MOB3B: variants seen among roughly 807,000 people sequenced by gnomAD.
MOB3B encodes MOB kinase activator-like 2B.
MOB3B carries 7 observed loss-of-function variants against 18.7 expected under a neutral mutation model. That is an observed-to-expected ratio of 0.37 (90% CI 0.21 to 0.70). MOB3B has a LOEUF of 0.70. MOB3B is among the 30% of genes least tolerant of loss of function. The pLI is 0.52. For synonymous variants in MOB3B, 111 were observed against 99.9 expected (o/e 1.11, Z -0.66); for missense variants, 253 against 281.3 (o/e 0.90, Z 0.72).
chr9:27,446,744 C>A (rs1178575140), intron 2 of MOB3B, among the ~76,000 whole-genome samples: 2 of 152,162 alleles, frequency 1.3e-5, no homozygotes, highest in Non-Finnish European at 2.9e-5. Flanking sequence ...ATATTCTTAA[C>A]AATTCCATGA....
At chr9:27,509,225 T>G (rs1820101250) in intron 1 of MOB3B, among the ~76,000 whole-genome samples, 1 of 152,090 alleles carries the variant, frequency 6.6e-6, no homozygotes, top group African/African-American at 2.4e-5. Flanking sequence ...TACTGTAACT[T>G]TCATAGTTCC....
intron 1 of MOB3B, among the ~76,000 whole-genome samples, chr9:27,508,858 C>T (rs1226612042): frequency 1.3e-5 from 2 of 152,182 alleles, no homozygotes; most frequent in Non-Finnish European, 2.9e-5. Context: ...CAAGGTCAAA[C>T]ACTTCATTAG....
chr9:27,362,644 A>G (rs1013508630), intron 2 of MOB3B, among the ~76,000 whole-genome samples: 1 of 152,192 alleles, frequency 6.6e-6, no homozygotes. Flanking sequence ...CATGCACTGC[A>G]GTCACCCCAG....
At chr9:27,401,449 G>A (rs1158116442) in intron 2 of MOB3B, among the ~76,000 whole-genome samples, 2 of 152,156 alleles carry the variant, frequency 1.3e-5, no homozygotes, top group African/African-American at 2.4e-5. Context: ...ACGGAGGTGG[G>A]ACCTGTGTCA....
At chr9:27,452,991 T>A (rs974353260) in intron 2 of MOB3B, among the ~76,000 whole-genome samples, 2 of 152,186 alleles carry the variant, frequency 1.3e-5, no homozygotes, top group Non-Finnish European at 2.9e-5. Context: ...TTCTAAAAAG[T>A]GCAGGCTTTT....
intron 2 of MOB3B, among the ~76,000 whole-genome samples, chr9:27,373,413 G>A (rs1164221836): frequency 1.3e-5 from 2 of 152,144 alleles, no homozygotes; most frequent in African/African-American, 4.8e-5. Context: ...GTTTGCAGAT[G>A]TGCTAGATAC....
intron 1 of MOB3B, among the ~76,000 whole-genome samples, chr9:27,523,318 T>C (rs1483461684): frequency 6.6e-6 from 1 of 152,100 alleles, no homozygotes; most frequent in African/African-American, 2.4e-5. Context: ...CTTAGCTAAA[T>C]GGGTGACTTC....
intron 2 of MOB3B, among the ~76,000 whole-genome samples, chr9:27,420,807 G>A (rs1822238606): frequency 6.6e-6 from 1 of 150,564 alleles, no homozygotes; most frequent in African/African-American, 2.4e-5. Context: ...GAGTGGGAGG[G>A]GGACAAGGGA....
intron 3 of MOB3B, among the ~76,000 whole-genome samples, chr9:27,351,843 T>C (rs918859489): frequency 6.6e-6 from 1 of 152,216 alleles, no homozygotes; most frequent in East Asian, 1.9e-4. Flanking sequence ...GGGGCCTGGA[T>C]AGGCTTGTGG....
intron 1 of MOB3B, among the ~76,000 whole-genome samples, chr9:27,509,845 C>A (rs1482865704): frequency 6.6e-6 from 1 of 152,202 alleles, no homozygotes; most frequent in Non-Finnish European, 1.5e-5. Flanking sequence ...CTGCCTCAGG[C>A]CCCTGAGTAG....
chr9:27,376,389 TTGAAA>T (rs1407910973), intron 2 of MOB3B, among the ~76,000 whole-genome samples: 1 of 152,198 alleles, frequency 6.6e-6, no homozygotes, highest in Non-Finnish European at 1.5e-5. Context: ...ATAGAAAATA[TTGAAA>T]TGAAATGAAT....
In MOB3B at chr9:27,330,422, G is replaced by C; in HGVS notation, c.*165C>G. Reference sequence around the variant, plus strand: ...GCTAGCAGCACTCAGAAGGTTAAGAGCACACAAAGTGAGTGGGGAATGTCT... The same window carrying C: ...GCTAGCAGCACTCAGAAGGTTAAGACCACACAAAGTGAGTGGGGAATGTCT... On this transcript the variant is annotated 3_prime_UTR_variant, in exon 4 of 4. Transcript: ENST00000262244. 3.6e-6 allele frequency: 3 copies of C among 836,898 alleles called. No homozygotes were observed. Among genetic ancestry groups the C allele is most frequent in the Non-Finnish European group, 3.7e-6 (2 of 541,112 alleles). The allele number at this position is 836,898 out of a possible 1,614,324, so 51.8% of individuals were successfully genotyped here. A position where few individuals can be genotyped will look rare whatever the true frequency, so the allele number is the denominator to read the frequency against.
intron 1 of MOB3B, among the ~76,000 whole-genome samples, chr9:27,495,820 C>A (rs112365044): frequency 2.0e-5 from 3 of 152,270 alleles, no homozygotes; most frequent in African/African-American, 7.2e-5. Flanking sequence ...AAAGATTAAT[C>A]CTGGACATTC....
chr9:27,340,969 T>G (rs10812570), intron 3 of MOB3B, among the ~76,000 whole-genome samples: 3 of 152,092 alleles, frequency 2.0e-5, no homozygotes, highest in Non-Finnish European at 4.4e-5. Context: ...AAAGGGTGAC[T>G]GAGTGCACCC....
At chr9:27,425,551 C>G (rs1396894929) in intron 2 of MOB3B, among the ~76,000 whole-genome samples, 2 of 152,104 alleles carry the variant, frequency 1.3e-5, no homozygotes, top group Non-Finnish European at 1.5e-5. Flanking sequence ...CACATTAATA[C>G]CTTTTCAGGG....
chr9:27,343,231 A>G (rs899136583), intron 3 of MOB3B, among the ~76,000 whole-genome samples: 4 of 151,640 alleles, frequency 2.6e-5, no homozygotes, highest in African/African-American at 9.8e-5. Flanking sequence ...TAAATGGATT[A>G]AGGGTGGTGC....
intron 2 of MOB3B, among the ~76,000 whole-genome samples, chr9:27,372,415 A>G (rs916372014): frequency 2.6e-5 from 4 of 152,176 alleles, no homozygotes; most frequent in Admixed American, 6.5e-5. Flanking sequence ...CAAATATGTA[A>G]ATACTCCCTG....
chr9:27,420,213 T>C (rs988348916), intron 2 of MOB3B, among the ~76,000 whole-genome samples: 21 of 152,118 alleles, frequency 1.4e-4, no homozygotes, highest in African/African-American at 4.8e-4. Context: ...GGTGGGAATG[T>C]AAACTAGTAC....
Position 27,455,466 on chromosome 9 carries a change from C to A in MOB3B, c.85G>T (p.Glu29Ter). 1 of 1,614,222 alleles carries A rather than the reference C, an allele frequency of 6.2e-7. No homozygotes were observed. Among genetic ancestry groups the A allele is most frequent in the Non-Finnish European group, 8.5e-7 (1 of 1,180,030 alleles). ...GATGCCTGAGCCCGTTTGTGCAGCT[C>A]AAACCTCTGTGTGCCAGGTTCAAAT... is the stretch of plus-strand genomic sequence containing the variant. ...RKFEPGTQRF[E>*]LHKRAQASLN... Residue 29 changes from glutamate (E) to a stop codon, truncating the protein, a stop_gained, in exon 2 of 4, where the codon GAG (glutamate) becomes TAG (stop). Transcript: ENST00000262244. LOFTEE classifies it high-confidence loss of function.
Sources: allele counts gnomAD v4.1 joint callset (sites outside exome capture counted in the v4.1 genomes callset), GRCh38; gene constraint gnomAD v4.1.1; transcripts MANE v1.5; gene names NCBI Gene and HGNC (gene_info 2026-07-23, HGNC 2026-07-21).